The following JRK variants were observed in gnomAD, a reference collection of about 807,000 sequenced individuals.
The protein encoded by JRK is Jrk helix-turn-helix protein.
For synonymous variants in JRK, 303 were observed against 218.1 expected (o/e 1.39, Z -3.43); for missense variants, 720 against 509.2 (o/e 1.41, Z -3.98).
the JRK span, among the ~76,000 whole-genome samples, chr8:142,649,450 G>T: frequency 1.3e-5 from 2 of 152,296 alleles, no homozygotes; most frequent in Admixed American, 1.3e-4. Context: ...GTTTTTTGAA[G>T]AGAAGTTCCC....
In JRK at chr8:142,663,051, G is replaced by T; in HGVS notation, c.*1301C>A. 1 of 692,210 alleles carries T rather than the reference G, an allele frequency of 1.4e-6. No homozygotes were observed. The highest frequency in any genetic ancestry group is 1.8e-6 in the Non-Finnish European group (1 of 562,446). 42.9% of individuals were successfully genotyped at this position (692,210 alleles called of 1,614,324 possible). ...GCCTCTAGTCCCAGCTACTCAGGAG[G>T]CTGGGGCGGGAGGATCACTCAAGCC... On this transcript the variant is annotated 3_prime_UTR_variant, in exon 2 of 2. Coordinates refer to ENST00000612905, the MANE Select transcript of JRK (RefSeq NM_003724.4).
chr8:142,650,472 T>A, the JRK span, among the ~76,000 whole-genome samples: 1 of 152,228 alleles, frequency 6.6e-6, no homozygotes, highest in African/African-American at 2.4e-5. Flanking sequence ...AATTCCCACA[T>A]GTCGTTGGAG....
rs1272918557 is a variant in JRK at position 142,661,801 on chromosome 8, T to C, written c.*2551A>G. ...TGAGAGGGCTTGGGGAAAAAGATTC[T>C]GAGGCTAAAACATTCAACCACTTGA... On this transcript the variant is annotated 3_prime_UTR_variant, in exon 2 of 2. Coordinates refer to ENST00000612905, the MANE Select transcript of JRK (RefSeq NM_003724.4). The C allele has an allele frequency of 1.0e-5, 10 of 985,448 alleles. No homozygotes were observed. Among genetic ancestry groups the C allele is most frequent in the Non-Finnish European group, 1.1e-5 (9 of 830,058 alleles). The allele number at this position is 985,448 out of a possible 1,614,324, so 61.0% of individuals were successfully genotyped here. A position where few individuals can be genotyped will look rare whatever the true frequency, so the allele number is the denominator to read the frequency against.
chr8:142,647,551 GCT>G, the JRK span, among the ~76,000 whole-genome samples: 1 of 152,086 alleles, frequency 6.6e-6, no homozygotes. Flanking sequence ...CCCTGCACAA[GCT>G]CTCTCTCTTT....
Position 142,659,895 on chromosome 8 carries a change from C to T in JRK, c.*4457G>A. On this transcript the variant is annotated 3_prime_UTR_variant, in exon 2 of 2. Transcript: ENST00000612905. Reference sequence around the variant, plus strand: ...TCCCTAAACAGGAGTGACCCCACCTCATTTCATGTCATCATCACTGCCCTG... The same window carrying T: ...TCCCTAAACAGGAGTGACCCCACCTTATTTCATGTCATCATCACTGCCCTG... 1 of 985,608 alleles carries T rather than the reference C, an allele frequency of 1.0e-6. No homozygotes were observed. The highest frequency in any genetic ancestry group is 1.7e-5 in the African/African-American group (1 of 57,370). 61.1% of individuals were successfully genotyped at this position (985,608 alleles called of 1,614,324 possible).
downstream of JRK, among the ~76,000 whole-genome samples, chr8:142,654,281 G>A (rs999066497): frequency 6.6e-6 from 1 of 152,092 alleles, no homozygotes; most frequent in African/African-American, 2.4e-5. Flanking sequence ...CTCCTGGGGT[G>A]CTGGCCTCCC....
In JRK at chr8:142,665,199, C is replaced by G. The variant is rs1554635573; in HGVS notation, c.860G>C (p.Gly287Ala). Residue 287 changes from glycine (G) to alanine (A), a missense_variant, in exon 2 of 2, where the codon GGT (glycine) becomes GCT (alanine). Physicochemically the swap from Gly to Ala is moderately conservative, Grantham distance 60 (BLOSUM62 0). Transcript: ENST00000612905. ...PSVREHFRTI[G>A]LPEDSKAVLL... ...AACGGCTTTGCTGTCTTCCGGCAAA[C>G]CTATGGTTCTGAAGTGCTCTCTCAC... 1.4e-6 allele frequency: 1 copy of G among 717,900 alleles called. No homozygotes were observed. The highest frequency in any genetic ancestry group is 2.0e-5 in the Admixed American group (1 of 50,024). 44.5% of individuals were successfully genotyped at this position (717,900 alleles called of 1,614,324 possible).
Position 142,660,286 on chromosome 8 carries a change from C to T in JRK, c.*4066G>A. ...CCTGCCCAGGCCCTGCCTCCCAGGC[C>T]ACCACCCACCCCTCACGGCTGCCAC... On this transcript the variant is annotated 3_prime_UTR_variant, in exon 2 of 2. Transcript: ENST00000612905. The T allele has an allele frequency of 1.0e-6, 1 of 985,808 alleles. No individual in the cohort carries two copies. Among genetic ancestry groups the T allele is most frequent in the Non-Finnish European group, 1.2e-6 (1 of 830,242 alleles). 61.1% of individuals were successfully genotyped at this position (985,808 alleles called of 1,614,324 possible).
downstream of JRK, among the ~76,000 whole-genome samples, chr8:142,654,237 A>G (rs1400241817): frequency 6.6e-6 from 1 of 152,090 alleles, no homozygotes; most frequent in African/African-American, 2.4e-5. Context: ...CTGACCTCTC[A>G]CACTACTCCA....
rs587714693 is a variant in JRK at position 142,665,777 on chromosome 8, G to A, written c.282C>T (p.Tyr94=). The A allele has an allele frequency of 5.9e-5, 46 of 777,936 alleles. No homozygotes were observed. The highest frequency in any genetic ancestry group is 5.8e-4 in the East Asian group (24 of 41,218). The allele number at this position is 777,936 out of a possible 1,614,324, so 48.2% of individuals were successfully genotyped here. A position where few individuals can be genotyped will look rare whatever the true frequency, so the allele number is the denominator to read the frequency against. The change falls in exon 2 of 2, where the codon TAC becomes TAT. Residue 94 remains tyrosine (Y), a synonymous_variant. Coordinates refer to ENST00000612905, the MANE Select transcript of JRK (RefSeq NM_003724.4). ...PKLEHLDRVL[Y]EWFLGKRSEG... is the part of the protein sequence containing the mutation. The stretch of plus-strand genomic sequence containing the variant: ...CGGAGCGCTTCCCCAGGAACCACTC[G>A]TACAGGACGCGGTCCAGGTGCTCCA...
rs587635932 is a variant in JRK, at chr8:142,657,469, A to T, written c.*6883T>A. 1.9e-5 allele frequency: 3 copies of T among 156,678 alleles called. No homozygotes were observed. The highest frequency in any genetic ancestry group is 7.2e-5 in the African/African-American group (3 of 41,650). 9.7% of individuals were successfully genotyped at this position (156,678 alleles called of 1,614,324 possible). On this transcript the variant is annotated 3_prime_UTR_variant, in exon 2 of 2. Transcript: ENST00000612905. ...AACACCTGAGGCTGAGTAATTTATA[A>T]AGAAAAGAGGTTTATTTGGCTCACA...
chr8:142,646,258 C>A, the JRK span, among the ~76,000 whole-genome samples: 2 of 152,192 alleles, frequency 1.3e-5, no homozygotes, highest in Admixed American at 1.3e-4. Context: ...TCCATCTTGC[C>A]TTGAACCTCC....
At chr8:142,649,505 A>C in the JRK span, among the ~76,000 whole-genome samples, 1 of 152,218 alleles carries the variant, frequency 6.6e-6, no homozygotes, top group Non-Finnish European at 1.5e-5. Context: ...TCCATGTAAG[A>C]CGTGACTTGC....
chr8:142,662,038 T>A lies in JRK; in HGVS notation c.*2314A>T. The A allele has an allele frequency of 1.0e-6, 1 of 984,960 alleles. No homozygotes were observed. Among genetic ancestry groups the A allele is most frequent in the Non-Finnish European group, 1.2e-6 (1 of 829,892 alleles). 61.0% of individuals were successfully genotyped at this position (984,960 alleles called of 1,614,324 possible). A position where few individuals can be genotyped will look rare whatever the true frequency, so the allele number is the denominator to read the frequency against. ...GGCTGCAGGAGGAGCAGGGCCCGAG[T>A]CCCCTGGGTGGCACAAGGGATTCCA... On this transcript the variant is annotated 3_prime_UTR_variant, in exon 2 of 2. Coordinates refer to ENST00000612905, the MANE Select transcript of JRK (RefSeq NM_003724.4).
chr8:142,653,080 C>T (rs1176618834), downstream of JRK, among the ~76,000 whole-genome samples: 1 of 152,182 alleles, frequency 6.6e-6, no homozygotes, highest in Non-Finnish European at 1.5e-5. Context: ...AGAGATCTGA[C>T]CTAACTGACT....
downstream of JRK, among the ~76,000 whole-genome samples, chr8:142,655,757 C>G (rs1291694803): frequency 1.3e-5 from 2 of 152,210 alleles, no homozygotes; most frequent in Non-Finnish European, 1.5e-5. Context: ...GCGCGTTCTG[C>G]CTCCTGTCTT....
intron 1 of JRK, among the ~76,000 whole-genome samples, chr8:142,667,309 C>G (rs1218482726): frequency 1.3e-5 from 2 of 152,174 alleles, no homozygotes; most frequent in Non-Finnish European, 2.9e-5. Flanking sequence ...CTCAGGGTAC[C>G]CTGCCCCAGG....
chr8:142,659,726 G>A lies in JRK; in HGVS notation c.*4626C>T, dbSNP rs904794045. Reference sequence around the variant, plus strand: ...TGTTTTCACCTCTGTTTACAGTTGAGTGCACTGCTCAAGGTCATGCAGCTG... The same window carrying A: ...TGTTTTCACCTCTGTTTACAGTTGAATGCACTGCTCAAGGTCATGCAGCTG... On this transcript the variant is annotated 3_prime_UTR_variant, in exon 2 of 2. Coordinates refer to ENST00000612905, the MANE Select transcript of JRK (RefSeq NM_003724.4). 23 of 985,380 alleles carry A rather than the reference G, an allele frequency of 2.3e-5. No homozygotes were observed. The highest frequency in any genetic ancestry group is 2.8e-5 in the Non-Finnish European group (23 of 829,970). 61.0% of individuals were successfully genotyped at this position (985,380 alleles called of 1,614,324 possible).
At chr8:142,668,102 G>A (rs1256911276) in intron 1 of JRK, among the ~76,000 whole-genome samples, 1 of 152,206 alleles carries the variant, frequency 6.6e-6, no homozygotes, top group Non-Finnish European at 1.5e-5. Context: ...TCACTCCTCC[G>A]CAGGCCAGCA....
Sources: allele counts gnomAD v4.1 joint callset (sites outside exome capture counted in the v4.1 genomes callset), GRCh38; gene constraint gnomAD v4.1.1; transcripts MANE v1.5; gene names NCBI Gene and HGNC (gene_info 2026-07-23, HGNC 2026-07-21).